CAPRIN2: variants seen among roughly 807,000 people sequenced by gnomAD.
The protein encoded by CAPRIN2 is caprin-2.
Under a neutral mutation model 130.4 loss-of-function variants are expected in CAPRIN2, and 66 were observed. The ratio of observed to expected loss-of-function variants is 0.51; its 90% CI spans 0.42 to 0.62. The LOEUF is 0.62. Among genes scored for constraint, CAPRIN2 ranks in the 20% least tolerant of loss-of-function variants. The pLI is 0.00. For missense variants in CAPRIN2, 1,185 were observed against 1,246.6 expected (o/e 0.95, Z 0.74); for synonymous variants, 471 against 444.1 (o/e 1.06, Z -0.76).
chr12:30,711,830 GT>G (rs2054837002), intron 15 of CAPRIN2: 1 of 683,450 alleles, frequency 1.5e-6, no homozygotes, highest in Non-Finnish European at 2.7e-6. Context: ...TGCTTCACCT[GT>G]TAATTAACCT....
At position 30,729,331 on chromosome 12, in the gene CAPRIN2, TAGAG is replaced by T. The variant is rs778020789; in HGVS notation, c.1105-10_1105-7del. On this transcript the variant is annotated splice_polypyrimidine_tract_variant and splice_region_variant and intron_variant, in intron 7 of 16. Transcript: ENST00000298892. ...ATATAGCGTCTGTTAAGAAACTAGATAGAGAAACAATGCACTTAAGTCACAAAAT... is the reference window on the plus strand; with the variant it reads ...ATATAGCGTCTGTTAAGAAACTAGATAAACAATGCACTTAAGTCACAAAAT... 2.0e-6 allele frequency: 3 copies of T among 1,536,050 alleles called. No individual in the cohort carries two copies. The African/African-American group carries it at 4.2e-5, about 21-fold the overall frequency.
At chr12:30,729,075 G>A in exon 8 of CAPRIN2, 1 of 1,614,162 alleles carries the variant, frequency 6.2e-7, no homozygotes, top group Admixed American at 1.7e-5. Context: ...TTCCGGCAGA[G>A]TAGACCTGAG....
intron 11 of CAPRIN2, 76 bp from the exon 13 acceptor site, chr12:30,720,991 T>C: frequency 1.0e-6 from 1 of 986,996 alleles, no homozygotes; most frequent in Admixed American, 1.8e-5. Flanking sequence ...CTGGCCTTCC[T>C]AATATGTTAC....
At chr12:30,742,172 ACT>A (rs2067777038) in intron 2 of CAPRIN2, among the ~76,000 whole-genome samples, 2 of 152,112 alleles carry the variant, frequency 1.3e-5, no homozygotes, top group Admixed American at 1.3e-4. Flanking sequence ...CAGTTCGATA[ACT>A]CTACAAATTT....
At chr12:30,714,968 C>T (rs748601182) in exon 14 of CAPRIN2, 10 of 1,613,102 alleles carry the variant, frequency 6.2e-6, no homozygotes, top group African/African-American at 1.3e-5. Context: ...CCTTTATAAC[C>T]ACCAGGGGAC....
exon 1 of CAPRIN2, chr12:30,753,870 G>C (rs1481981533): frequency 2.1e-5 from 23 of 1,107,608 alleles, no homozygotes; most frequent in Non-Finnish European, 2.7e-5. Context: ...TCCACATAGG[G>C]AGGAAGAACT....
chr12:30,742,545 T>G (rs2067979316), intron 2 of CAPRIN2, among the ~76,000 whole-genome samples: 1 of 151,926 alleles, frequency 6.6e-6, no homozygotes, highest in South Asian at 2.1e-4. Context: ...ACACTAAAAC[T>G]AAGTAGAGAG....
At chr12:30,737,598 CTTT>C (rs11304850) in intron 3 of CAPRIN2, among the ~76,000 whole-genome samples, 6 of 131,236 alleles carry the variant, frequency 4.6e-5, no homozygotes, top group African/African-American at 5.7e-5. Context: ...AACTGGTTTT[CTTT>C]TTTTTTTTTT....
intron 7 of CAPRIN2, among the ~76,000 whole-genome samples, chr12:30,729,965 T>C (rs1018588966): frequency 2.0e-5 from 3 of 152,206 alleles, no homozygotes; most frequent in Non-Finnish European, 4.4e-5. Context: ...GCAGTTCGTG[T>C]GCCAGACCAA....
At chr12:30,746,108 T>G (rs955997188) in intron 2 of CAPRIN2, among the ~76,000 whole-genome samples, 1 of 148,024 alleles carries the variant, frequency 6.8e-6, no homozygotes, top group African/African-American at 2.5e-5. Flanking sequence ...CCATGTATAG[T>G]GGAAACACTG....
chr12:30,715,084 G>A, exon 14 of CAPRIN2: 5 of 1,614,002 alleles, frequency 3.1e-6, no homozygotes, highest in Non-Finnish European at 4.2e-6. Context: ...CGTCTGTGCT[G>A]GGTAAAAGGC....
At chr12:30,750,643 T>C (rs10843835) in intron 2 of CAPRIN2, among the ~76,000 whole-genome samples, 73,531 of 151,716 alleles carry the variant, frequency 0.48, 18,324 homozygotes, top group African/African-American at 0.55. Context: ...GGAATTAAGG[T>C]GAGGCAGCTA....
intron 1 of CAPRIN2, 60 bp from the exon 3 acceptor site, chr12:30,751,193 T>A: frequency 7.6e-7 from 1 of 1,314,566 alleles, no homozygotes; most frequent in Non-Finnish European, 1.1e-6. Flanking sequence ...GCAAATAAAG[T>A]AAATGCCAGA....
chr12:30,727,814 G>A (rs1413308070), intron 8 of CAPRIN2, among the ~76,000 whole-genome samples: 2 of 152,120 alleles, frequency 1.3e-5, no homozygotes, highest in African/African-American at 4.8e-5. Context: ...TGGAAATAGA[G>A]AACTAATTCA....
chr12:30,728,428 G>A (rs919750708), intron 8 of CAPRIN2: 36 of 457,014 alleles, frequency 7.9e-5, no homozygotes, highest in Middle Eastern at 6.0e-4. Flanking sequence ...GGTGGCATGC[G>A]CCTGTAGTCC....
exon 8 of CAPRIN2, chr12:30,729,257 T>A: frequency 6.2e-7 from 1 of 1,609,110 alleles, no homozygotes; most frequent in Non-Finnish European, 8.5e-7. Context: ...CATAATCTGC[T>A]TCCCAAGGTT....
intron 3 of CAPRIN2, among the ~76,000 whole-genome samples, chr12:30,737,597 T>C (rs981835346): frequency 3.1e-5 from 4 of 129,038 alleles, no homozygotes; most frequent in Admixed American, 3.0e-4. Context: ...AAACTGGTTT[T>C]CTTTTTTTTT....
At chr12:30,720,295 G>C (rs1022174905) in intron 12 of CAPRIN2, 3 of 152,824 alleles carry the variant, frequency 2.0e-5, no homozygotes, top group African/African-American at 7.2e-5. Flanking sequence ...TGTTGGCCAG[G>C]CTGGTCTTGA....
chr12:30,749,556 G>T (rs1006910091), intron 2 of CAPRIN2, among the ~76,000 whole-genome samples: 3 of 152,198 alleles, frequency 2.0e-5, no homozygotes, highest in Admixed American at 2.0e-4. Flanking sequence ...AGGGAGAAGT[G>T]AGCAGACTTG....
Sources: allele counts gnomAD v4.1 joint callset (sites outside exome capture counted in the v4.1 genomes callset), GRCh38; gene constraint gnomAD v4.1.1; transcripts MANE v1.5; gene names NCBI Gene and HGNC (gene_info 2026-07-23, HGNC 2026-07-21).